DPP10: variants seen among roughly 807,000 people sequenced by gnomAD.
The protein encoded by DPP10 is inactive dipeptidyl peptidase 10.
In DPP10, 33 loss-of-function variants were observed where a neutral mutation model predicts 120.9. The ratio of observed to expected loss-of-function variants is 0.27; its 90% CI spans 0.21 to 0.37. DPP10 has a LOEUF of 0.37. Ranked by LOEUF, DPP10 falls within the 10% of genes least tolerant of loss-of-function variation. The pLI, the probability that DPP10 is intolerant of heterozygous loss-of-function variation, is 1.00. For synonymous variants in DPP10, 337 were observed against 326.1 expected (o/e 1.03, Z -0.36); for missense variants, 816 against 942.8 (o/e 0.87, Z 1.76).
intron 5 of DPP10, among the ~76,000 whole-genome samples, chr2:115,586,500 C>A (rs2082299169): frequency 6.6e-6 from 1 of 152,108 alleles, no homozygotes; most frequent in Non-Finnish European, 1.5e-5. Context: ...AATGCATGTA[C>A]AATTTTGTTG....
intron 5 of DPP10, among the ~76,000 whole-genome samples, chr2:115,638,410 C>G (rs990631705): frequency 1.3e-5 from 2 of 152,188 alleles, no homozygotes; most frequent in African/African-American, 4.8e-5. Flanking sequence ...CTACACATTT[C>G]AGTCAACCTT....
At chr2:114,698,866 G>A (rs1239323913) in intron 1 of DPP10, among the ~76,000 whole-genome samples, 1 of 152,114 alleles carries the variant, frequency 6.6e-6, no homozygotes, top group Admixed American at 6.6e-5. Flanking sequence ...AATACTGTCT[G>A]TATAGTCAGG....
chr2:114,767,099 A>C, intron 1 of DPP10, among the ~76,000 whole-genome samples: 1 of 143,210 alleles, frequency 7.0e-6, no homozygotes, highest in African/African-American at 2.7e-5. Context: ...CTACATCAAA[A>C]CTAGAAAAAA....
chr2:115,034,086 G>A (rs559015431), intron 1 of DPP10, among the ~76,000 whole-genome samples: 6 of 151,154 alleles, frequency 4.0e-5, no homozygotes, highest in South Asian at 2.1e-4. Flanking sequence ...TAATAGAGAC[G>A]GGGTTTCACC....
chr2:115,344,890 A>G (rs1486131152), intron 3 of DPP10, among the ~76,000 whole-genome samples: 3 of 152,224 alleles, frequency 2.0e-5, no homozygotes, highest in Non-Finnish European at 4.4e-5. Flanking sequence ...GCCTTTTCAT[A>G]TAATAAAGAT....
chr2:115,710,096 A>G (rs918645962), intron 7 of DPP10, among the ~76,000 whole-genome samples: 3 of 152,098 alleles, frequency 2.0e-5, no homozygotes, highest in Non-Finnish European at 4.4e-5. Context: ...CTCATTAAGA[A>G]CCATGGGGAA....
intron 1 of DPP10, among the ~76,000 whole-genome samples, chr2:114,506,027 A>T (rs1683627114): frequency 6.6e-6 from 1 of 152,230 alleles, no homozygotes; most frequent in South Asian, 2.1e-4. Flanking sequence ...AATAATAGAG[A>T]TAGGAGGCAG....
At chr2:114,925,277 A>G (rs1695538008) in intron 1 of DPP10, among the ~76,000 whole-genome samples, 1 of 152,074 alleles carries the variant, frequency 6.6e-6, no homozygotes, top group Non-Finnish European at 1.5e-5. Flanking sequence ...GGTCTTCAAA[A>G]GCCTACATTT....
intron 1 of DPP10, among the ~76,000 whole-genome samples, chr2:114,930,697 T>G (rs1032650040): frequency 6.6e-6 from 1 of 152,250 alleles, no homozygotes; most frequent in Non-Finnish European, 1.5e-5. Flanking sequence ...CTTATAGTTT[T>G]GTAGGCTGTA....
chr2:115,587,244 C>T (rs560685489), intron 5 of DPP10, among the ~76,000 whole-genome samples: 9 of 151,978 alleles, frequency 5.9e-5, no homozygotes, highest in Non-Finnish European at 1.2e-4. Flanking sequence ...ACAACAGGCT[C>T]CCGCGACCAC....
intron 3 of DPP10, among the ~76,000 whole-genome samples, chr2:115,498,414 A>G (rs532468716): frequency 1.3e-5 from 2 of 152,094 alleles, no homozygotes; most frequent in East Asian, 1.9e-4. Context: ...TTTTGTGGCT[A>G]ATCTTTGTAA....
chr2:114,937,041 G>T (rs1696539020), intron 1 of DPP10, among the ~76,000 whole-genome samples: 1 of 152,090 alleles, frequency 6.6e-6, no homozygotes, highest in African/African-American at 2.4e-5. Context: ...TCACTCTGTG[G>T]GTTGTCTGTG....
At chr2:114,522,372 T>A (rs185559969) in intron 1 of DPP10, among the ~76,000 whole-genome samples, 1 of 152,040 alleles carries the variant, frequency 6.6e-6, no homozygotes, top group African/African-American at 2.4e-5. Context: ...CCCATGATCC[T>A]TCAAAAAACA....
intron 1 of DPP10, among the ~76,000 whole-genome samples, chr2:114,756,571 C>T (rs767457030): frequency 7.9e-5 from 12 of 152,192 alleles, no homozygotes; most frequent in Admixed American, 2.6e-4. Context: ...TCTAGCTGCA[C>T]GTTAGAGTTA....
intron 1 of DPP10, among the ~76,000 whole-genome samples, chr2:114,764,851 T>G (rs2106118546): frequency 6.6e-6 from 1 of 152,282 alleles, no homozygotes; most frequent in Middle Eastern, 3.4e-3. Flanking sequence ...TGAATGCAAT[T>G]TTAGAGAAGG....
At chr2:115,066,165 C>T (rs1218025901) in intron 1 of DPP10, among the ~76,000 whole-genome samples, 1 of 152,126 alleles carries the variant, frequency 6.6e-6, no homozygotes, top group Non-Finnish European at 1.5e-5. Context: ...CTAGAAAAGA[C>T]ATTACAAATA....
chr2:115,118,101 A>C (rs6761948), intron 1 of DPP10, among the ~76,000 whole-genome samples: 31,204 of 151,886 alleles, frequency 0.21, 3,903 homozygotes, highest in East Asian at 0.36. Context: ...TAAATGGCAA[A>C]GCTATTCTCC....
chr2:115,489,487 G>A (rs2075978256), intron 3 of DPP10, among the ~76,000 whole-genome samples: 1 of 151,746 alleles, frequency 6.6e-6, no homozygotes, highest in South Asian at 2.1e-4. Context: ...CCAGCATTCA[G>A]GTTAAAATAG....
At chr2:115,337,010 A>C (rs2063180223) in intron 2 of DPP10, among the ~76,000 whole-genome samples, 1 of 152,044 alleles carries the variant, frequency 6.6e-6, no homozygotes, top group African/African-American at 2.4e-5. Context: ...GTTCCTGCTA[A>C]ATTACGTTGC....
Sources: gnomAD v4.1 joint callset for allele counts (sites outside exome capture counted in the v4.1 genomes callset) on GRCh38, gnomAD v4.1.1 for gene constraint, MANE v1.5 for transcripts, NCBI Gene and HGNC (gene_info 2026-07-23, HGNC 2026-07-21) for gene names.